LYPD6: variants seen among roughly 807,000 people sequenced by gnomAD.
The protein encoded by LYPD6 is ly6/PLAUR domain-containing protein 6.
In LYPD6, 15 loss-of-function variants were observed where a neutral mutation model predicts 22.7. That is an observed-to-expected ratio of 0.66 (90% CI 0.44 to 1.02). LYPD6 has a LOEUF of 1.02. Ranked by LOEUF, LYPD6 falls within the 50% of genes least tolerant of loss-of-function variation. The pLI, the probability that LYPD6 is intolerant of heterozygous loss-of-function variation, is 0.00. For synonymous variants in LYPD6, 72 were observed against 77.5 expected, an observed-to-expected ratio of 0.93 and a Z score of 0.37; for missense variants, 189 against 208.4, an observed-to-expected ratio of 0.91 and a Z score of 0.57.
At chr2:149,385,103 C>CTTTTTATCTCT (rs1682155096) in intron 1 of LYPD6, among the ~76,000 whole-genome samples, 2 of 152,102 alleles carry the variant, frequency 1.3e-5, no homozygotes, top group Non-Finnish European at 2.9e-5. Flanking sequence ...CATTTCCTCT[C>CTTTTTATCTCT]CTTTCATTTT....
chr2:149,468,686 G>A lies in LYPD6; in HGVS notation c.259G>A (p.Gly87Arg). The A allele has an allele frequency of 6.2e-7, 1 of 1,613,668 alleles. No homozygotes were observed. The highest frequency in any genetic ancestry group is 1.3e-5 in the African/African-American group (1 of 75,004). Residue 87 changes from glycine (G) to arginine (R), a missense_variant, in exon 4 of 5, where the codon GGA becomes AGA. Gly to Arg is a moderately radical substitution (Grantham distance 125, BLOSUM62 -2). Transcript: ENST00000334166. ...CYTQHTMEVT[G>R]NSISVTKRCV... ...CACTCAGCACACAATGGAAGTCACA[G>A]GAAACAGTATCTCAGTCACCAAACG...
chr2:149,408,734 T>A (rs1179807174), intron 1 of LYPD6, among the ~76,000 whole-genome samples: 2 of 152,226 alleles, frequency 1.3e-5, no homozygotes, highest in Non-Finnish European at 1.5e-5. Flanking sequence ...TTTCTCTAAG[T>A]GTGTCCTTGA....
intron 1 of LYPD6, among the ~76,000 whole-genome samples, chr2:149,427,811 A>G (rs1367993726): frequency 6.6e-6 from 1 of 152,230 alleles, no homozygotes; most frequent in Non-Finnish European, 1.5e-5. Flanking sequence ...TGCATTTCTC[A>G]GAGCGTATCC....
chr2:149,420,871 G>T (rs992797940), intron 1 of LYPD6, among the ~76,000 whole-genome samples: 5 of 152,062 alleles, frequency 3.3e-5, no homozygotes, highest in Non-Finnish European at 7.4e-5. Context: ...AATACATTTC[G>T]GGCTGTTTCT....
chr2:149,366,268 C>CT (rs1281757162), intron 1 of LYPD6, among the ~76,000 whole-genome samples: 1 of 152,154 alleles, frequency 6.6e-6, no homozygotes, highest in Non-Finnish European at 1.5e-5. Flanking sequence ...TCATTAGTCT[C>CT]TGATTTGTGG....
In LYPD6 at chr2:149,382,872, T is replaced by C. The variant is rs567409370; in HGVS notation, c.-72+52150T>C. Among the ~76,000 whole-genome samples, 13 of 152,298 alleles carry C rather than the reference T, an allele frequency of 8.5e-5. No individual in the cohort carries two copies. The East Asian group carries it at 2.5e-3, about 29-fold the overall frequency. On this transcript the variant is annotated intron_variant, in intron 1 of 4. Coordinates refer to ENST00000334166, the MANE Select transcript of LYPD6 (RefSeq NM_194317.5). ...CTTTAAGATAGATTAAGTTTTCTTA[T>C]AGTACTTCACATATGGTTTTGCCTG... is the stretch of plus-strand genomic sequence containing the variant.
intron 1 of LYPD6, among the ~76,000 whole-genome samples, chr2:149,342,618 T>G (rs1681184199): frequency 6.6e-6 from 1 of 152,208 alleles, no homozygotes; most frequent in South Asian, 2.1e-4. Flanking sequence ...CCATGTGGCC[T>G]CCTATTTGTG....
intron 1 of LYPD6, among the ~76,000 whole-genome samples, chr2:149,405,923 G>A (rs199559888): frequency 0.27 from 38,919 of 145,086 alleles, 6,028 homozygotes; most frequent in African/African-American, 0.46. Flanking sequence ...CAGAGATTCT[G>A]GTATGTTGTG....
At chr2:149,347,220 GTTC>G (rs1681274568) in intron 1 of LYPD6, among the ~76,000 whole-genome samples, 1 of 152,076 alleles carries the variant, frequency 6.6e-6, no homozygotes, top group African/African-American at 2.4e-5. Flanking sequence ...AGAGAAGCAA[GTTC>G]TTCTATGTCT....
At chr2:149,405,106 C>A (rs1165755132) in intron 1 of LYPD6, among the ~76,000 whole-genome samples, 1 of 151,888 alleles carries the variant, frequency 6.6e-6, no homozygotes, top group Non-Finnish European at 1.5e-5. Flanking sequence ...GGTGGATAAG[C>A]TTTTTGATGT....
intron 1 of LYPD6, among the ~76,000 whole-genome samples, chr2:149,422,062 C>T (rs1189919136): frequency 6.6e-6 from 1 of 152,146 alleles, no homozygotes; most frequent in Admixed American, 6.5e-5. Context: ...AAAGGTCTTT[C>T]TGAATGGAAA....
At position 149,405,279 on chromosome 2, in the gene LYPD6, C is replaced by G. The variant is rs563223277; in HGVS notation, c.-71-32359C>G. Among the ~76,000 whole-genome samples, 4 of 152,130 alleles carry G rather than the reference C, an allele frequency of 2.6e-5. No individual in the cohort carries two copies. In the South Asian group the frequency reaches 8.3e-4, roughly 32 times the overall value. On this transcript the variant is annotated intron_variant, in intron 1 of 4. Coordinates refer to ENST00000334166, the MANE Select transcript of LYPD6 (RefSeq NM_194317.5). Reference sequence around the variant, plus strand: ...GAGTTAGGGAGGATTCCCTCTTTTTCTATTGATTGGAATAGTTTCAGAAGC... The same window carrying G: ...GAGTTAGGGAGGATTCCCTCTTTTTGTATTGATTGGAATAGTTTCAGAAGC...
At chr2:149,408,258 C>T (rs1266470564) in intron 1 of LYPD6, among the ~76,000 whole-genome samples, 1 of 152,144 alleles carries the variant, frequency 6.6e-6, no homozygotes, top group Non-Finnish European at 1.5e-5. Context: ...CCACTGTTCT[C>T]CTCAAAGCTG....
chr2:149,430,582 A>T (rs1212898164), intron 1 of LYPD6, among the ~76,000 whole-genome samples: 1 of 152,220 alleles, frequency 6.6e-6, no homozygotes, highest in Admixed American at 6.5e-5. Flanking sequence ...TAAAAATTAA[A>T]TCAAGATTGA....
intron 1 of LYPD6, among the ~76,000 whole-genome samples, chr2:149,358,289 TCTAC>T (rs1411491007): frequency 6.6e-6 from 1 of 152,202 alleles, no homozygotes; most frequent in Non-Finnish European, 1.5e-5. Flanking sequence ...CATCGATTAC[TCTAC>T]CTCTGGGAAC....
intron 1 of LYPD6, among the ~76,000 whole-genome samples, chr2:149,407,535 A>G (rs55859425): frequency 0.33 from 49,443 of 152,070 alleles, 10,817 homozygotes; most frequent in African/African-American, 0.63. Context: ...CGGCTCCTGA[A>G]GCTTCTGCAT....
chr2:149,459,561 A>G (rs1681040593), intron 3 of LYPD6, among the ~76,000 whole-genome samples: 1 of 152,242 alleles, frequency 6.6e-6, no homozygotes, highest in South Asian at 2.1e-4. Flanking sequence ...AAAACTTATA[A>G]TGCTGTCTGA....
intron 1 of LYPD6, chr2:149,370,624 A>G (rs1681786688): frequency 6.6e-6 from 1 of 152,184 alleles, no homozygotes; most frequent in Non-Finnish European, 1.5e-5. Context: ...AACTGTGAGT[A>G]GTACACTTCT....
chr2:149,360,831 T>C (rs1233865261), intron 1 of LYPD6, among the ~76,000 whole-genome samples: 2 of 152,188 alleles, frequency 1.3e-5, no homozygotes, highest in African/African-American at 4.8e-5. Flanking sequence ...CATTTTCTTC[T>C]GATCATTTTT....
Sources: gnomAD v4.1 joint callset for allele counts (sites outside exome capture counted in the v4.1 genomes callset) on GRCh38, gnomAD v4.1.1 for gene constraint, MANE v1.5 for transcripts, NCBI Gene and HGNC (gene_info 2026-07-23, HGNC 2026-07-21) for gene names.